Variants in RFX4 observed in about 807,000 individuals in gnomAD.
The protein encoded by RFX4 is transcription factor RFX4.
RFX4 carries 10 observed loss-of-function variants against 95.0 expected under a neutral mutation model. The ratio of observed to expected loss-of-function variants is 0.11; its 90% CI spans 0.06 to 0.18. The LOEUF (loss-of-function observed/expected upper bound fraction) is 0.18. Among genes scored for constraint, RFX4 ranks in the 10% least tolerant of loss-of-function variants. RFX4 has a pLI of 1.00. For missense variants in RFX4, 640 were observed against 922.0 expected, an observed-to-expected ratio of 0.69 and a Z score of 3.96; for synonymous variants, 321 against 340.7, an observed-to-expected ratio of 0.94 and a Z score of 0.64.
intron 16 of RFX4, among the ~76,000 whole-genome samples, chr12:106,748,499 C>T (rs1241017461): frequency 1.3e-5 from 2 of 152,078 alleles, no homozygotes; most frequent in African/African-American, 2.4e-5. Flanking sequence ...TTTTCAAATA[C>T]GTGGAGTGAT....
Position 106,654,136 on chromosome 12 carries a change from G to T in RFX4, c.192-92G>T, listed in dbSNP as rs773151918. 7.9e-5 allele frequency: 121 copies of T among 1,527,338 alleles called. 1 individual carries two copies. Among genetic ancestry groups the T allele is most frequent in the Non-Finnish European group, 9.9e-5 (110 of 1,107,640 alleles). The allele number at this position is 1,527,338 out of a possible 1,614,324, so 94.6% of individuals were successfully genotyped here. On this transcript the variant is annotated intron_variant, in intron 3 of 17. Transcript: ENST00000392842. Reference sequence around the variant, plus strand: ...CTGTAGAAAGAACGTTATTTCTAAGGACTGCCCATCTCTGGAGGACTAGAA... The same window carrying T: ...CTGTAGAAAGAACGTTATTTCTAAGTACTGCCCATCTCTGGAGGACTAGAA...
chr12:106,607,906 A>G (rs1285018805), intron 1 of RFX4, among the ~76,000 whole-genome samples: 1 of 152,202 alleles, frequency 6.6e-6, no homozygotes, highest in Non-Finnish European at 1.5e-5. Flanking sequence ...AAAGGGCTAC[A>G]TAGTGGCTGG....
At chr12:106,727,209 T>C (rs184230597) in intron 13 of RFX4, among the ~76,000 whole-genome samples, 84 of 152,216 alleles carry the variant, frequency 5.5e-4, no homozygotes, top group African/African-American at 2.0e-3. Context: ...ACATACTATA[T>C]TAATAAAAAG....
intron 3 of RFX4, among the ~76,000 whole-genome samples, chr12:106,641,967 C>CTATATCTATCTATATATCTA (rs371927014): frequency 2.2e-5 from 3 of 134,994 alleles, no homozygotes; most frequent in African/African-American, 8.7e-5. Context: ...ATATCTATAT[C>CTATATCTATCTATATATCTA]TATCTATATC....
intron 4 of RFX4, among the ~76,000 whole-genome samples, chr12:106,663,272 A>T (rs1186810855): frequency 2.0e-5 from 3 of 151,992 alleles, no homozygotes; most frequent in Non-Finnish European, 4.4e-5. Context: ...GCTCTTATAC[A>T]TAGCTTGTTA....
At chr12:106,588,996 A>G (rs1354047692) in intron 1 of RFX4, among the ~76,000 whole-genome samples, 1 of 152,178 alleles carries the variant, frequency 6.6e-6, no homozygotes, top group African/African-American at 2.4e-5. Context: ...TCTACTCCAC[A>G]GGTTCCTGAG....
chr12:106,693,594 T>C (rs77242779), intron 7 of RFX4, among the ~76,000 whole-genome samples: 4,805 of 152,282 alleles, frequency 0.032, 107 homozygotes, highest in Non-Finnish European at 0.047. Context: ...CTGAGCCTGA[T>C]GCCCAGGGAA....
intron 1 of RFX4, among the ~76,000 whole-genome samples, chr12:106,597,154 A>G (rs1222051662): frequency 6.6e-6 from 1 of 152,216 alleles, no homozygotes; most frequent in African/African-American, 2.4e-5. Context: ...GGGCTGTCCT[A>G]AATACAACGA....
At chr12:106,732,605 C>A (rs922468274) in intron 14 of RFX4, among the ~76,000 whole-genome samples, 17 of 152,156 alleles carry the variant, frequency 1.1e-4, no homozygotes, top group Non-Finnish European at 1.6e-4. Flanking sequence ...GAGGCTGAGG[C>A]ACGAGAATCA....
chr12:106,659,599 T>C (rs2041031708), intron 4 of RFX4, among the ~76,000 whole-genome samples: 1 of 152,252 alleles, frequency 6.6e-6, no homozygotes, highest in Non-Finnish European at 1.5e-5. Context: ...TAGGGCTTTC[T>C]GTATACCTGG....
chr12:106,726,246 T>TAA (rs550366505), intron 13 of RFX4, among the ~76,000 whole-genome samples: 3 of 108,140 alleles, frequency 2.8e-5, no homozygotes, highest in East Asian at 2.4e-4. Flanking sequence ...AGACTCCATC[T>TAA]AAAAAAAAAA....
chr12:106,723,874 G>A (rs943924348), intron 13 of RFX4, among the ~76,000 whole-genome samples: 3 of 152,172 alleles, frequency 2.0e-5, no homozygotes, highest in Admixed American at 1.3e-4. Context: ...GAGGACTTGC[G>A]TGTGGACTCA....
chr12:106,748,266 A>G (rs1284424339), intron 16 of RFX4, among the ~76,000 whole-genome samples: 1 of 152,120 alleles, frequency 6.6e-6, no homozygotes, highest in Non-Finnish European at 1.5e-5. Flanking sequence ...AACCCCTTTC[A>G]GCAGTTCCCC....
chr12:106,654,379 T>G (rs1555228275), intron 4 of RFX4, 28 bp downstream of exon 4: 1 of 1,599,750 alleles, frequency 6.3e-7, no homozygotes, highest in Non-Finnish European at 8.5e-7. Context: ...AGGCTTGTCC[T>G]CCCTACCACC....
At chr12:106,700,564 G>A (rs2041968522) in intron 8 of RFX4, among the ~76,000 whole-genome samples, 1 of 151,076 alleles carries the variant, frequency 6.6e-6, no homozygotes, top group Non-Finnish European at 1.5e-5. Flanking sequence ...CAGCTACCAC[G>A]CCCGGCTAAT....
At chr12:106,603,005 G>T (rs962346237) in intron 1 of RFX4, among the ~76,000 whole-genome samples, 5 of 152,236 alleles carry the variant, frequency 3.3e-5, no homozygotes, top group Non-Finnish European at 7.3e-5. Flanking sequence ...GTCCACCAGA[G>T]ATATCCTGTG....
At chr12:106,741,193 G>A (rs775853713) in intron 15 of RFX4, among the ~76,000 whole-genome samples, 3 of 152,044 alleles carry the variant, frequency 2.0e-5, no homozygotes, top group Non-Finnish European at 1.5e-5. Flanking sequence ...CTGTCTTAAG[G>A]ATAGATAATA....
Position 106,652,366 on chromosome 12 carries a change from G to A in RFX4, c.192-1862G>A, listed in dbSNP as rs139056677. 8.6e-3 allele frequency among the ~76,000 whole-genome samples: 1,303 copies of A among 152,230 alleles called. 5 individuals carry two copies. The highest frequency in any genetic ancestry group is 0.015 in the Admixed American group (227 of 15,298). On this transcript the variant is annotated intron_variant, in intron 3 of 17. Coordinates refer to ENST00000392842, the MANE Select transcript of RFX4 (RefSeq NM_213594.3). ...TCTTGCTCACTGTGATATCCCCAGC[G>A]CCTGGCAGGTGATAAGATCAATAAA...
chr12:106,605,106 A>G (rs1405813740), intron 1 of RFX4, among the ~76,000 whole-genome samples: 1 of 152,208 alleles, frequency 6.6e-6, no homozygotes, highest in East Asian at 1.9e-4. Flanking sequence ...ATGATGATGT[A>G]TGTAATGCAG....
Sources: gnomAD v4.1 joint callset for allele counts (sites outside exome capture counted in the v4.1 genomes callset) on GRCh38, gnomAD v4.1.1 for gene constraint, MANE v1.5 for transcripts, NCBI Gene and HGNC (gene_info 2026-07-23, HGNC 2026-07-21) for gene names.